Variants in CCDC82 observed in about 807,000 individuals in gnomAD.
CCDC82 encodes the protein coiled-coil domain containing 82.
Under a neutral mutation model 60.6 loss-of-function variants are expected in CCDC82, and 47 were observed. The ratio of observed to expected loss-of-function variants is 0.77; its 90% confidence interval spans 0.61 to 0.99. The LOEUF is 0.99. Among genes scored for constraint, CCDC82 ranks in the 50% least tolerant of loss-of-function variants. The pLI is 0.00. For synonymous variants in CCDC82, 212 were observed against 207.4 expected (o/e 1.02, Z -0.19); for missense variants, 588 against 633.0 (o/e 0.93, Z 0.76).
chr11:96,371,133 G>T lies in CCDC82; in HGVS notation c.1089C>A (p.Gly363=). ...CTTTTGCATATGATTTTTGCCTTGT[G>T]CCATCTGTTCAGGGGATAAACAACA... The part of the protein sequence containing the change: ...DESFLGTLYD[G]TRQKSYAKDM... Residue 363 remains glycine, a synonymous_variant, in exon 7 of 10, where the codon GGC becomes GGA. Transcript: ENST00000646818. 1 of 1,586,286 alleles carries T rather than the reference G, an allele frequency of 6.3e-7. No homozygotes were observed. The highest frequency in any genetic ancestry group is 8.6e-7 in the Non-Finnish European group (1 of 1,167,172).
chr11:96,366,626 C>CG (rs1273755305), intron 7 of CCDC82, among the ~76,000 whole-genome samples: 1 of 152,144 alleles, frequency 6.6e-6, no homozygotes, highest in Non-Finnish European at 1.5e-5. Context: ...CACAGTGGCG[C>CG]GTGCCTGTAG....
chr11:96,355,563 G>C (rs1591154375), intron 9 of CCDC82: 1 of 152,114 alleles, frequency 6.6e-6, no homozygotes, highest in Non-Finnish European at 1.5e-5. Flanking sequence ...AGAAAACTTA[G>C]GCTAAGAGAA....
At chr11:96,383,813 TG>T in intron 4 of CCDC82, 148 bp downstream of exon 4, 1 of 719,748 alleles carries the variant, frequency 1.4e-6, no homozygotes, top group Non-Finnish European at 2.2e-6. Flanking sequence ...CGTACAATAG[TG>T]TAATCAAACA....
intron 9 of CCDC82, chr11:96,355,458 G>A (rs187773257): frequency 5.9e-5 from 9 of 152,180 alleles, no homozygotes; most frequent in African/African-American, 2.2e-4. Context: ...CTAATTGCTA[G>A]GTCCTATACT....
intron 9 of CCDC82, chr11:96,357,560 T>C (rs1426622959): frequency 1.0e-6 from 1 of 985,234 alleles, no homozygotes; most frequent in African/African-American, 1.7e-5. Context: ...CTAGGATACA[T>C]GATTTGGAAA....
intron 5 of CCDC82, among the ~76,000 whole-genome samples, chr11:96,376,236 C>T (rs772909787): frequency 1.3e-5 from 2 of 152,020 alleles, no homozygotes; most frequent in Non-Finnish European, 2.9e-5. Context: ...ACCATCTGCC[C>T]TTCCTACTGG....
intron 6 of CCDC82, among the ~76,000 whole-genome samples, chr11:96,371,522 T>C (rs1276646998): frequency 6.6e-6 from 1 of 152,164 alleles, no homozygotes; most frequent in South Asian, 2.1e-4. Flanking sequence ...GGGGAGCTTA[T>C]AGTGAGCTGA....
chr11:96,368,533 G>A (rs1196434918), intron 7 of CCDC82, among the ~76,000 whole-genome samples: 6 of 152,112 alleles, frequency 3.9e-5, no homozygotes, highest in Admixed American at 3.9e-4. Flanking sequence ...GTCCTTTGGA[G>A]CTTTGAAGCC....
chr11:96,387,812 T>C (rs1220461386), intron 1 of CCDC82, 199 bp from the exon 2 acceptor site: 1 of 152,202 alleles, frequency 6.6e-6, no homozygotes, highest in Non-Finnish European at 1.5e-5. Context: ...TAAATTATTA[T>C]CCACCAGGCA....
chr11:96,380,294 TGAGGAAAAA>T (rs1865801337), intron 5 of CCDC82, among the ~76,000 whole-genome samples: 1 of 151,668 alleles, frequency 6.6e-6, no homozygotes, highest in Non-Finnish European at 1.5e-5. Context: ...GGTTACAAGT[TGAGGAAAAA>T]GAGTTTGTAG....
rs117071588 is a variant in CCDC82, at chr11:96,384,373, A to C, written c.375T>G (p.Asp125Glu). 2.2e-3 allele frequency: 3,464 copies of C among 1,598,152 alleles called. 19 individuals are homozygous for C. The highest frequency in any genetic ancestry group is 2.5e-3 in the Non-Finnish European group (2,920 of 1,165,018). ...CCTCTTGACTTAAATGTTTTTCCTG[A>C]TCTTGTAAGTCAATATTCCTATGTT... ...KIKHRNIDLQ[D>E]QEKHLSQEDN... Residue 125 changes from aspartate (D) to glutamate (E), a missense_variant, in exon 4 of 10, where the codon GAT becomes GAG. Physicochemically the swap from Asp to Glu is conservative, Grantham distance 45. Coordinates refer to ENST00000646818, the MANE Select transcript of CCDC82 (RefSeq NM_024725.4).
At chr11:96,359,222 T>C in intron 8 of CCDC82, 44 bp from the exon 9 acceptor site, 1 of 1,457,276 alleles carries the variant, frequency 6.9e-7, no homozygotes, top group Non-Finnish European at 9.1e-7. Flanking sequence ...CGAATATATA[T>C]CCTTTCTGGT....
intron 9 of CCDC82, among the ~76,000 whole-genome samples, 189 bp downstream of exon 9, chr11:96,358,804 G>A (rs1864476363): frequency 6.6e-6 from 1 of 152,126 alleles, no homozygotes; most frequent in African/African-American, 2.4e-5. Context: ...TGAATCCTTA[G>A]AACATCAGGG....
chr11:96,371,555 C>T (rs893303790), intron 6 of CCDC82, among the ~76,000 whole-genome samples: 1 of 152,228 alleles, frequency 6.6e-6, no homozygotes. Flanking sequence ...GTACTCCAGC[C>T]TGGGTGATAG....
chr11:96,363,497 C>T (rs1393111159), intron 8 of CCDC82: 1 of 152,184 alleles, frequency 6.6e-6, no homozygotes, highest in East Asian at 1.9e-4. Flanking sequence ...TACGCATACA[C>T]ACATTTTTAT....
chr11:96,359,692 T>A (rs1864538853), intron 8 of CCDC82, among the ~76,000 whole-genome samples: 1 of 148,498 alleles, frequency 6.7e-6, no homozygotes, highest in Admixed American at 6.7e-5. Context: ...AAGTCCATAT[T>A]TATGAAGTTA....
At chr11:96,387,130 GAGA>G (rs1256549634) in intron 2 of CCDC82, 1 of 152,202 alleles carries the variant, frequency 6.6e-6, no homozygotes, top group African/African-American at 2.4e-5. Context: ...TTTGAATTGG[GAGA>G]AATAATGAAA....
intron 8 of CCDC82, among the ~76,000 whole-genome samples, chr11:96,360,227 G>A (rs529841934): frequency 2.7e-5 from 4 of 145,640 alleles, no homozygotes; most frequent in Admixed American, 1.4e-4. Context: ...TCCTGAGATG[G>A]AGTTTCGCTT....
chr11:96,368,220 TCTC>T (rs1865054391), intron 7 of CCDC82, among the ~76,000 whole-genome samples: 1 of 152,110 alleles, frequency 6.6e-6, no homozygotes. Context: ...ATGATATTAA[TCTC>T]CTTGTAAATC....
Sources: gnomAD v4.1 joint callset for allele counts (sites outside exome capture counted in the v4.1 genomes callset) on GRCh38, gnomAD v4.1.1 for gene constraint, MANE v1.5 for transcripts, NCBI Gene and HGNC (gene_info 2026-07-23, HGNC 2026-07-21) for gene names.